Variants in SOX5 observed in about 807,000 individuals in gnomAD.
SOX5 encodes the protein SRY-box transcription factor 5, also known as transcription factor SOX-5.
A neutral mutation model predicts 92.0 loss-of-function variants in SOX5; 9 were observed. The observed-to-expected ratio is 0.10, with a 90% CI of 0.06 to 0.17. The LOEUF is 0.17. Among genes scored for constraint, SOX5 ranks in the 10% least tolerant of loss-of-function variants. The pLI is 1.00. For synonymous variants in SOX5, 344 were observed against 336.3 expected, an observed-to-expected ratio of 1.02 and a Z score of -0.25; for missense variants, 642 against 944.5, an observed-to-expected ratio of 0.68 and a Z score of 4.20.
intron 12 of SOX5, among the ~76,000 whole-genome samples, chr12:23,545,572 G>A (rs965586198): frequency 2.6e-5 from 4 of 152,088 alleles, no homozygotes; most frequent in Non-Finnish European, 4.4e-5. Flanking sequence ...GAGTGGGCCC[G>A]ACACTTGACT....
At chr12:23,699,252 C>T (rs1457812079) in intron 6 of SOX5, among the ~76,000 whole-genome samples, 1 of 152,176 alleles carries the variant, frequency 6.6e-6, no homozygotes, top group Non-Finnish European at 1.5e-5. Flanking sequence ...TGCCTGAGTT[C>T]TTTGTCTCAC....
intron 1 of SOX5, among the ~76,000 whole-genome samples, chr12:23,921,956 G>T (rs1938403253): frequency 6.6e-6 from 1 of 152,020 alleles, no homozygotes; most frequent in South Asian, 2.1e-4. Flanking sequence ...TACCCAAAAC[G>T]GCAATCACTA....
At chr12:24,217,730 G>T (rs1959348427) in intron 3 of SOX5, among the ~76,000 whole-genome samples, 1 of 152,150 alleles carries the variant, frequency 6.6e-6, no homozygotes, top group Non-Finnish European at 1.5e-5. Flanking sequence ...GAAAATATTT[G>T]CAAATGATAC....
At chr12:23,657,402 T>A (rs1187829790) in intron 7 of SOX5, among the ~76,000 whole-genome samples, 1 of 152,152 alleles carries the variant, frequency 6.6e-6, no homozygotes, top group African/African-American at 2.4e-5. Flanking sequence ...ACTTTTTAAG[T>A]CCTTACGGAA....
intron 4 of SOX5, among the ~76,000 whole-genome samples, chr12:24,170,538 G>A (rs143737769): frequency 1.1e-4 from 17 of 152,282 alleles, no homozygotes; most frequent in African/African-American, 3.6e-4. Context: ...TGTGTTCCAC[G>A]TGTTTCTGAT....
At chr12:23,947,284 T>C (rs1419109386) in intron 1 of SOX5, among the ~76,000 whole-genome samples, 8 of 152,016 alleles carry the variant, frequency 5.3e-5, no homozygotes, top group Non-Finnish European at 1.0e-4. Context: ...AGTGACCCAA[T>C]AGAATAAAAA....
rs560907911 is a variant in SOX5, at chr12:24,347,963, G to A, written c.-174+20600C>T. Among the ~76,000 whole-genome samples the A allele has an allele frequency of 1.5e-4, 22 of 145,734 alleles. No homozygotes were observed. The Admixed American group carries it at 1.6e-3, about 10-fold the overall frequency. On this transcript the variant is annotated intron_variant, in intron 2 of 4. Transcript: ENST00000446891. The stretch of plus-strand genomic sequence containing the variant: ...TAAAATGAATGCAGTGTGTTAAGTA[G>A]TGGTTCACTGCTATTTTGCCAAGAC...
intron 8 of SOX5, among the ~76,000 whole-genome samples, chr12:23,609,857 G>A (rs1205228332): frequency 6.6e-6 from 1 of 152,064 alleles, no homozygotes; most frequent in Non-Finnish European, 1.5e-5. Flanking sequence ...AGCTTGAATT[G>A]TATCTAACTT....
intron 1 of SOX5, among the ~76,000 whole-genome samples, chr12:24,551,178 T>G (rs771102706): frequency 6.6e-6 from 1 of 152,216 alleles, no homozygotes; most frequent in Non-Finnish European, 1.5e-5. Flanking sequence ...GCTTTCAAGT[T>G]CCCATCTCCC....
At chr12:24,394,371 A>C (rs1003199912) in intron 1 of SOX5, among the ~76,000 whole-genome samples, 2 of 152,184 alleles carry the variant, frequency 1.3e-5, no homozygotes, top group Non-Finnish European at 2.9e-5. Flanking sequence ...TTCAGGAATC[A>C]TTGCAGAGGC....
intron 3 of SOX5, among the ~76,000 whole-genome samples, chr12:23,778,252 A>G (rs2095169502): frequency 6.6e-6 from 1 of 152,240 alleles, no homozygotes; most frequent in African/African-American, 2.4e-5. Context: ...TTTCTATTCA[A>G]CTAGTTCTAT....
chr12:23,570,402 A>G (rs1388969758), intron 10 of SOX5, among the ~76,000 whole-genome samples: 1 of 152,186 alleles, frequency 6.6e-6, no homozygotes, highest in Admixed American at 6.5e-5. Flanking sequence ...ATGGCTTTCC[A>G]TGCATCACAA....
chr12:23,606,511 T>G (rs942665469), intron 8 of SOX5, among the ~76,000 whole-genome samples: 1 of 151,792 alleles, frequency 6.6e-6, no homozygotes, highest in Admixed American at 6.6e-5. Context: ...TATTCAAAAT[T>G]TAATTTTGAT....
At chr12:23,717,697 C>T (rs373123576) in intron 6 of SOX5, among the ~76,000 whole-genome samples, 76 of 152,260 alleles carry the variant, frequency 5.0e-4, no homozygotes, top group South Asian at 1.5e-3. Flanking sequence ...ATATTTAGTA[C>T]GGCTTAACAC....
At chr12:24,390,791 C>T (rs1230251712) in intron 1 of SOX5, among the ~76,000 whole-genome samples, 1 of 152,190 alleles carries the variant, frequency 6.6e-6, no homozygotes, top group East Asian at 1.9e-4. Context: ...GGCATGTGTA[C>T]ATATGTGTGT....
chr12:23,855,784 G>A (rs565007298), intron 2 of SOX5, among the ~76,000 whole-genome samples: 4 of 152,170 alleles, frequency 2.6e-5, no homozygotes, highest in African/African-American at 9.6e-5. Flanking sequence ...ATTTCTCTGA[G>A]AATTATAAAA....
chr12:23,829,192 A>C (rs2096276855), intron 3 of SOX5, among the ~76,000 whole-genome samples: 2 of 152,014 alleles, frequency 1.3e-5, no homozygotes, highest in African/African-American at 4.8e-5. Context: ...CTTGATATCC[A>C]CTTCTTCATG....
Position 24,008,725 on chromosome 12 carries a change from C to A in SOX5, c.-1-112701G>T, listed in dbSNP as rs1952596284. Among the ~76,000 whole-genome samples the A allele has an allele frequency of 2.6e-5, 4 of 152,030 alleles. No individual in the cohort carries two copies. The South Asian group carries it at 8.3e-4, about 32-fold the overall frequency. ...AAATTCCTATGTTATTAAAGAAGTT[C>A]TCTCCCAAAAGACAGATATGGCCAA... On this transcript the variant is annotated intron_variant, in intron 4 of 4. Coordinates refer to the SOX5 transcript ENST00000446891.
chr12:23,535,280 C>T (rs991218802), intron 14 of SOX5, among the ~76,000 whole-genome samples: 1 of 152,274 alleles, frequency 6.6e-6, no homozygotes, highest in African/African-American at 2.4e-5. Context: ...TAAAACTTTA[C>T]TGCCCAGAAC....
Sources: allele counts gnomAD v4.1 joint callset (sites outside exome capture counted in the v4.1 genomes callset), GRCh38; gene constraint gnomAD v4.1.1; transcripts MANE v1.5; gene names NCBI Gene and HGNC (gene_info 2026-07-23, HGNC 2026-07-21).